GSN: variants seen among roughly 807,000 people sequenced by gnomAD.
The protein encoded by GSN is gelsolin.
Under a neutral mutation model 85.7 loss-of-function variants are expected in GSN, and 56 were observed. The observed-to-expected ratio is 0.65, with a 90% CI of 0.53 to 0.82. The LOEUF (loss-of-function observed/expected upper bound fraction) is 0.82, where lower values mean the gene tolerates loss of function less well. Among genes scored for constraint, GSN ranks in the 40% least tolerant of loss-of-function variants. The pLI is 0.00. For missense variants in GSN, 857 were observed against 979.8 expected (o/e 0.87, Z 1.67); for synonymous variants, 373 against 399.1 (o/e 0.93, Z 0.78).
intron 4 of GSN, among the ~76,000 whole-genome samples, chr9:121,308,107 C>G (rs2060619556): frequency 6.6e-6 from 1 of 152,218 alleles, no homozygotes; most frequent in South Asian, 2.1e-4. Flanking sequence ...AGTCTTACCC[C>G]TTGCTCCACA....
chr9:121,278,639 G>C (rs1372517500), intron 1 of GSN, among the ~76,000 whole-genome samples: 1 of 152,224 alleles, frequency 6.6e-6, no homozygotes, highest in Non-Finnish European at 1.5e-5. Flanking sequence ...CAGGCACGTA[G>C]TGAGAGCCCC....
At chr9:121,290,781 A>C (rs1401386478) in intron 2 of GSN, among the ~76,000 whole-genome samples, 5 of 152,206 alleles carry the variant, frequency 3.3e-5, no homozygotes, top group Admixed American at 3.3e-4. Flanking sequence ...AGTACAACTT[A>C]TTCCCTATAG....
chr9:121,306,253 C>G (rs2060407816), intron 4 of GSN, among the ~76,000 whole-genome samples: 1 of 152,226 alleles, frequency 6.6e-6, no homozygotes, highest in Non-Finnish European at 1.5e-5. Flanking sequence ...TGGAACCTTT[C>G]TGTCCTCCCT....
At chr9:121,267,429 G>T (rs2055267091), upstream of GSN, among the ~76,000 whole-genome samples, 2 of 152,276 alleles carry the variant, frequency 1.3e-5, no homozygotes, top group Admixed American at 1.3e-4. Context: ...CTGTCATTGT[G>T]CTGAGAGTCT....
chr9:121,331,546 G>A (rs1250942128), intron 17 of GSN, 98 bp downstream of exon 17: 1 of 738,180 alleles, frequency 1.4e-6, no homozygotes, highest in Admixed American at 2.1e-5. Flanking sequence ...CATCTTTCCA[G>A]GGGACTGATG....
chr9:121,300,003 C>T (rs1366403896), intron 2 of GSN: 10 of 1,456,508 alleles, frequency 6.9e-6, no homozygotes, highest in African/African-American at 1.4e-5. Context: ...GCCCGAGGCG[C>T]GGGTGAGTGC....
Position 121,332,623 on chromosome 9 carries a change from A to G in GSN, c.*20A>G, listed in dbSNP as rs753134056. 4.4e-6 allele frequency: 7 copies of G among 1,604,514 alleles called. No homozygotes were observed. The highest frequency in any genetic ancestry group is 1.3e-5 in the African/African-American group (1 of 74,674). On this transcript the variant is annotated 3_prime_UTR_variant, in exon 18 of 18. Transcript: ENST00000432226. This position sits in a 1 kb window ranked among gnomAD's most constrained non-coding sequence, Gnocchi z 4.8. ...GCCTGAGGAGGGGCAGGGCCCACCC[A>G]TGTCACCGGTCAGTGCCTTTTGGAA...
chr9:121,305,213 A>C (rs1415075563), intron 4 of GSN, among the ~76,000 whole-genome samples: 1 of 152,188 alleles, frequency 6.6e-6, no homozygotes, highest in South Asian at 2.1e-4. Context: ...AGCCTTGACT[A>C]CAAGATCTCA....
intron 2 of GSN, 47 bp from the exon 3 acceptor site, chr9:121,301,916 C>T (rs758985575): frequency 5.0e-6 from 8 of 1,613,266 alleles, no homozygotes; most frequent in Non-Finnish European, 6.8e-6. Flanking sequence ...GGGGTCTCTC[C>T]CTGCCAGGAC....
At chr9:121,283,255 T>C (rs2057629071) in intron 2 of GSN, 2 of 166,922 alleles carry the variant, frequency 1.2e-5, no homozygotes, top group African/African-American at 4.8e-5. Context: ...CTCCTGTCTT[T>C]TTTAGTTAGG....
intron 5 of GSN, among the ~76,000 whole-genome samples, chr9:121,247,680 A>G (rs1762241762): frequency 6.6e-6 from 1 of 152,250 alleles, no homozygotes; most frequent in Non-Finnish European, 1.5e-5. Flanking sequence ...CAGGAGGAAA[A>G]GAGCATCCAA....
At chr9:121,321,125 C>G (rs1428402843) in intron 10 of GSN, 143 bp from the exon 11 acceptor site, 4 of 921,094 alleles carry the variant, frequency 4.3e-6, no homozygotes, top group Non-Finnish European at 7.0e-6. Flanking sequence ...GTTGGGCAAA[C>G]CATTTAACTC....
chr9:121,244,977 A>T (rs1200358508), intron 5 of GSN, among the ~76,000 whole-genome samples: 2 of 151,814 alleles, frequency 1.3e-5, no homozygotes, highest in Non-Finnish European at 1.5e-5. Flanking sequence ...CTAAAAAAAA[A>T]GTAGATTTAA....
chr9:121,254,367 C>G (rs1213471217), intron 6 of GSN, among the ~76,000 whole-genome samples: 1 of 152,228 alleles, frequency 6.6e-6, no homozygotes, highest in East Asian at 1.9e-4. Context: ...ATACCATTTA[C>G]AGAGTCTCTC....
intron 5 of GSN, among the ~76,000 whole-genome samples, chr9:121,237,725 T>G (rs2054523904): frequency 6.6e-6 from 1 of 152,144 alleles, no homozygotes; most frequent in Non-Finnish European, 1.5e-5. Flanking sequence ...CCCTTTAATT[T>G]AGAGACCAAA....
chr9:121,216,405 T>A (rs1241751266), intron 4 of GSN, among the ~76,000 whole-genome samples: 1 of 152,174 alleles, frequency 6.6e-6, no homozygotes, highest in African/African-American at 2.4e-5. Context: ...TCCAGCTACG[T>A]CTCCACCACT....
chr9:121,273,517 A>G (rs1056505144), intron 1 of GSN, among the ~76,000 whole-genome samples: 38 of 152,288 alleles, frequency 2.5e-4, no homozygotes, highest in African/African-American at 9.1e-4. Context: ...AAATTTAGGA[A>G]ATAAAAAAGT....
rs7847446 is a variant in GSN at position 121,287,358 on chromosome 9, G to T, written c.-10+5796G>T. Among the ~76,000 whole-genome samples, 613 of 152,256 alleles carry T rather than the reference G, an allele frequency of 4.0e-3. 4 individuals carry two copies. The highest frequency in any genetic ancestry group is 0.014 in the African/African-American group (589 of 41,540). On this transcript the variant is annotated intron_variant, in intron 2 of 17. Coordinates refer to ENST00000432226, the MANE Select transcript of GSN (RefSeq NM_198252.3). Reference sequence around the variant, plus strand: ...CTAGGTCTGACCAGGCCCCTCTCCTGCCTAGCCTCAGTTTCCCCAAATGTG... The same window carrying T: ...CTAGGTCTGACCAGGCCCCTCTCCTTCCTAGCCTCAGTTTCCCCAAATGTG...
chr9:121,313,464 A>AC (rs2061391968), intron 6 of GSN: 2 of 236,912 alleles, frequency 8.4e-6, no homozygotes, highest in South Asian at 1.2e-4. Context: ...CTCTGAAGCC[A>AC]CAGGGATGGA....
Sources: gnomAD v4.1 joint callset for allele counts (sites outside exome capture counted in the v4.1 genomes callset) on GRCh38, gnomAD v4.1.1 for gene constraint, Gnocchi (gnomAD v3.1) non-coding constraint, MANE v1.5 for transcripts, NCBI Gene and HGNC (gene_info 2026-07-23, HGNC 2026-07-21) for gene names.